The following ZMYM4 variants were observed in gnomAD, a reference collection of about 807,000 sequenced individuals.
ZMYM4 encodes the protein zinc finger MYM-type protein 4.
Under a neutral mutation model 183.2 loss-of-function variants are expected in ZMYM4, and 31 were observed. The observed-to-expected ratio is 0.17, with a 90% CI of 0.13 to 0.23. The LOEUF is 0.23. Ranked by LOEUF, ZMYM4 falls within the 10% of genes least tolerant of loss-of-function variation. The pLI is 1.00. For missense variants in ZMYM4, 1,273 were observed against 1,840.3 expected (o/e 0.69, Z 5.64); for synonymous variants, 592 against 631.2 (o/e 0.94, Z 0.93).
chr1:35,347,165 C>T (rs1200405523), intron 2 of ZMYM4, among the ~76,000 whole-genome samples: 1 of 152,210 alleles, frequency 6.6e-6, no homozygotes, highest in Non-Finnish European at 1.5e-5. Flanking sequence ...GCCACCACAC[C>T]TGGCTAATTA....
intron 27 of ZMYM4, among the ~76,000 whole-genome samples, chr1:35,414,498 T>C (rs1274405143): frequency 6.6e-6 from 1 of 152,188 alleles, no homozygotes; most frequent in Non-Finnish European, 1.5e-5. Flanking sequence ...CATAATTCAC[T>C]CCAGGTCTCA....
chr1:35,361,815 C>G lies in ZMYM4; in HGVS notation c.840+26C>G, dbSNP rs540432460. ...GTAAACATTTCACCTTTTTTCCCCCCTTCTTTTTGTTCCACACATTGAATT... is the reference window on the plus strand; with the variant it reads ...GTAAACATTTCACCTTTTTTCCCCCGTTCTTTTTGTTCCACACATTGAATT... On this transcript the variant is annotated intron_variant, in intron 5 of 29. Transcript: ENST00000314607. 79 of 1,589,252 alleles carry G rather than the reference C, an allele frequency of 5.0e-5. No homozygotes were observed. In the Admixed American group the frequency reaches 6.2e-4, roughly 12 times the overall value.
chr1:35,382,302 C>G (rs150574691), intron 9 of ZMYM4, among the ~76,000 whole-genome samples: 2 of 149,792 alleles, frequency 1.3e-5, no homozygotes, highest in African/African-American at 4.9e-5. Context: ...AGAGAGTTTA[C>G]TATTTGTTTT....
At chr1:35,342,747 T>A (rs1643249101) in intron 2 of ZMYM4, among the ~76,000 whole-genome samples, 2 of 152,102 alleles carry the variant, frequency 1.3e-5, no homozygotes, top group Admixed American at 1.3e-4. Flanking sequence ...CATGGCTCAC[T>A]GCAACCTCAA....
chr1:35,397,103 C>A, intron 19 of ZMYM4: 1 of 1,065,226 alleles, frequency 9.4e-7, no homozygotes, highest in Non-Finnish European at 1.1e-6. Flanking sequence ...GAAATACAAG[C>A]AAAAACAACA....
At chr1:35,280,549 T>G (rs1640106847) in intron 1 of ZMYM4, among the ~76,000 whole-genome samples, 1 of 152,208 alleles carries the variant, frequency 6.6e-6, no homozygotes, top group Admixed American at 6.5e-5. Flanking sequence ...GGTTTAAAAT[T>G]AAAGAAATTT....
chr1:35,416,570 T>G (rs988571720), intron 28 of ZMYM4, among the ~76,000 whole-genome samples: 3 of 152,272 alleles, frequency 2.0e-5, no homozygotes. Flanking sequence ...TATTTATTTA[T>G]TTATTTATTT....
At chr1:35,418,717 T>C (rs955320953) in intron 29 of ZMYM4, 145 bp downstream of exon 29, 1 of 993,434 alleles carries the variant, frequency 1.0e-6, no homozygotes, top group South Asian at 1.6e-5. Context: ...GTCATATCTA[T>C]GTGGATTTTG....
At chr1:35,343,538 TC>T (rs1420154759) in intron 2 of ZMYM4, among the ~76,000 whole-genome samples, 1 of 152,188 alleles carries the variant, frequency 6.6e-6, no homozygotes, top group Non-Finnish European at 1.5e-5. Flanking sequence ...TAGGCCAATA[TC>T]ACACTGTCTT....
chr1:35,348,738 A>G (rs1643487234), intron 2 of ZMYM4, among the ~76,000 whole-genome samples: 1 of 152,232 alleles, frequency 6.6e-6, no homozygotes. Flanking sequence ...CATGCTTACC[A>G]AGATTTATTG....
intron 2 of ZMYM4, among the ~76,000 whole-genome samples, chr1:35,350,346 T>C (rs1425535139): frequency 6.6e-6 from 1 of 151,944 alleles, no homozygotes; most frequent in South Asian, 2.1e-4. Flanking sequence ...TGGAGTGCAA[T>C]GGCACAATCT....
intron 1 of ZMYM4, among the ~76,000 whole-genome samples, chr1:35,312,676 C>T (rs1356792098): frequency 6.8e-5 from 10 of 147,600 alleles, no homozygotes; most frequent in Non-Finnish European, 1.2e-4. Context: ...CTCTTCTTTC[C>T]CTTCTTTCTT....
intron 2 of ZMYM4, among the ~76,000 whole-genome samples, chr1:35,354,919 CT>C (rs1643762489): frequency 6.6e-6 from 1 of 151,878 alleles, no homozygotes; most frequent in Admixed American, 6.6e-5. Context: ...ATATTTTGGA[CT>C]TTGCAGCCTA....
intron 1 of ZMYM4, among the ~76,000 whole-genome samples, chr1:35,276,147 A>C (rs1639861716): frequency 6.6e-6 from 1 of 152,064 alleles, no homozygotes; most frequent in African/African-American, 2.4e-5. Flanking sequence ...ACTTCCCAAT[A>C]TGTCTTACAA....
At chr1:35,358,826 G>T in intron 2 of ZMYM4, 99 bp from the exon 3 acceptor site, 2 of 1,022,730 alleles carry the variant, frequency 2.0e-6, no homozygotes. Flanking sequence ...TCTGTATTTT[G>T]TTTGAAAAAA....
intron 2 of ZMYM4, among the ~76,000 whole-genome samples, chr1:35,335,462 C>T (rs1642932513): frequency 6.6e-6 from 1 of 152,070 alleles, no homozygotes; most frequent in South Asian, 2.1e-4. Flanking sequence ...ATCTCAAACT[C>T]CTGACCAGGA....
rs759992502 is a variant in ZMYM4 at position 35,387,435 on chromosome 1, A to T, written c.2113-19A>T. ...CAAACCAAATGTTTAATTAGTACTT[A>T]ATGATTATTTCTTTGCAGGGCAAAA... On this transcript the variant is annotated intron_variant, in intron 12 of 29. Transcript: ENST00000314607. 1 of 1,593,732 alleles carries T rather than the reference A, an allele frequency of 6.3e-7. No homozygotes were observed. The highest frequency in any genetic ancestry group is 1.8e-5 in the Admixed American group (1 of 56,246).
chr1:35,353,838 G>A (rs550884704), intron 2 of ZMYM4, among the ~76,000 whole-genome samples: 1 of 152,282 alleles, frequency 6.6e-6, no homozygotes, highest in Admixed American at 6.5e-5. Context: ...ATTCACATCA[G>A]TTGCTTTGTT....
rs1429133791 is a variant in ZMYM4 at position 35,408,036 on chromosome 1, T to C, written c.3825T>C (p.Ile1275=). The C allele has an allele frequency of 6.2e-7, 1 of 1,614,096 alleles. No homozygotes were observed. ...RVRSIKLKED[I]LSCTFAELSL... is the part of the protein sequence containing the mutation. ...GCTCTATCAAGCTGAAGGAAGACAT[T>C]CTGTCCTGCACTTTTGCTGAGTTGA... Residue 1275 remains isoleucine, a synonymous_variant, in exon 26 of 30, where the codon ATT becomes ATC. Transcript: ENST00000314607.
Sources: allele counts gnomAD v4.1 joint callset (sites outside exome capture counted in the v4.1 genomes callset), GRCh38; gene constraint gnomAD v4.1.1; transcripts MANE v1.5; gene names NCBI Gene and HGNC (gene_info 2026-07-23, HGNC 2026-07-21).